The following SEMA3A variants were observed in gnomAD, a reference collection of about 807,000 sequenced individuals.
SEMA3A encodes semaphorin-3A.
Under a neutral mutation model 97.9 loss-of-function variants are expected in SEMA3A, and 29 were observed. That is an observed-to-expected ratio of 0.30 (90% CI 0.22 to 0.40). The LOEUF (loss-of-function observed/expected upper bound fraction) is 0.40. Ranked by LOEUF, SEMA3A falls within the 10% of genes least tolerant of loss-of-function variation. SEMA3A has a pLI of 1.00. For missense variants in SEMA3A, 763 were observed against 951.3 expected (o/e 0.80, Z 2.60); for synonymous variants, 321 against 323.7 (o/e 0.99, Z 0.09).
Position 84,026,734 on chromosome 7 carries a change from A to G in SEMA3A, c.668-12383T>C, listed in dbSNP as rs1235728014. Among the ~76,000 whole-genome samples, 3 of 152,188 alleles carry G rather than the reference A, an allele frequency of 2.0e-5. No homozygotes were observed. In the East Asian group the frequency reaches 5.8e-4, roughly 29 times the overall value. On this transcript the variant is annotated intron_variant, in intron 6 of 16. Coordinates refer to ENST00000265362, the MANE Select transcript of SEMA3A (RefSeq NM_006080.3). Reference sequence around the variant, plus strand: ...GGGCCGGAGGCTCTTATCCTTAGCAAACTAACACAGGAACAGAAAACCAAC... The same window carrying G: ...GGGCCGGAGGCTCTTATCCTTAGCAGACTAACACAGGAACAGAAAACCAAC...
rs2372020 is a variant in SEMA3A, at chr7:84,039,258, T to C, written c.667+7066A>G. 6.1e-3 allele frequency among the ~76,000 whole-genome samples: 926 copies of C among 152,166 alleles called. 5 individuals carry two copies. Among genetic ancestry groups the C allele is most frequent in the Middle Eastern group, 0.02 (6 of 294 alleles). On this transcript the variant is annotated intron_variant, in intron 6 of 16. Coordinates refer to ENST00000265362, the MANE Select transcript of SEMA3A (RefSeq NM_006080.3). ...TTAACCCTTTCTTACAAACCATAAA[T>C]GTGTGGCAAATATAAATAACTTAAA...
chr7:84,432,288 T>A (rs1805000156), intron 1 of SEMA3A, among the ~76,000 whole-genome samples: 1 of 152,170 alleles, frequency 6.6e-6, no homozygotes, highest in Non-Finnish European at 1.5e-5. Context: ...TTTCCAGTAG[T>A]GCCACCAATG....
rs148298068 is a variant in SEMA3A at position 84,265,055 on chromosome 7, C to T, written c.-83+42152G>A. On this transcript the variant is annotated intron_variant, in intron 3 of 3. Transcript: ENST00000424555. ...CTTCCCAACCCAGAGTACCCCACTT[C>T]GAAGATGAAGGCTTCACTTGAGTTT... Among the ~76,000 whole-genome samples the T allele has an allele frequency of 4.5e-4, 68 of 152,152 alleles. 1 individual carries two copies. Among genetic ancestry groups the T allele is most frequent in the South Asian group, 8.3e-4 (4 of 4,822 alleles).
At chr7:84,340,847 C>T (rs1802150122) in intron 2 of SEMA3A, among the ~76,000 whole-genome samples, 1 of 150,644 alleles carries the variant, frequency 6.6e-6, no homozygotes, top group Admixed American at 6.6e-5. Flanking sequence ...ACATATATAC[C>T]TTTTAATATA....
At chr7:84,019,692 A>G (rs2116435852) in intron 6 of SEMA3A, among the ~76,000 whole-genome samples, 1 of 151,938 alleles carries the variant, frequency 6.6e-6, no homozygotes. Flanking sequence ...TGCATCCTTC[A>G]CTACTATTGT....
At chr7:84,299,368 C>CTA (rs375424685) in intron 3 of SEMA3A, among the ~76,000 whole-genome samples, 462 of 133,126 alleles carry the variant, frequency 3.5e-3, no homozygotes, top group Admixed American at 5.2e-3. Context: ...CTCTCTCCCT[C>CTA]TATATATATA....
At chr7:84,099,101 C>T (rs1413962194) in intron 4 of SEMA3A, among the ~76,000 whole-genome samples, 1 of 45,772 alleles carries the variant, frequency 2.2e-5, no homozygotes, top group Non-Finnish European at 6.6e-5. Context: ...GACGGAGTCT[C>T]GCTCTGTCGC....
intron 3 of SEMA3A, among the ~76,000 whole-genome samples, chr7:84,221,081 C>G (rs181836588): frequency 1.3e-5 from 2 of 152,268 alleles, no homozygotes; most frequent in East Asian, 1.9e-4. Context: ...GCTACATCTT[C>G]TGAACAACTT....
chr7:84,312,921 T>TATATATATATACACACAC (rs1458168481), intron 2 of SEMA3A, among the ~76,000 whole-genome samples: 1 of 32,876 alleles, frequency 3.0e-5, no homozygotes, highest in Non-Finnish European at 6.2e-5. Flanking sequence ...TATATATATA[T>TATATATATATACACACAC]ACACACACAC....
chr7:84,288,266 T>G (rs1390856891), intron 3 of SEMA3A, among the ~76,000 whole-genome samples: 1 of 152,110 alleles, frequency 6.6e-6, no homozygotes, highest in Admixed American at 6.6e-5. Flanking sequence ...TTAAACAAAT[T>G]TTAAGTAAAT....
At chr7:84,140,160 C>G (rs1796255880) in intron 1 of SEMA3A, among the ~76,000 whole-genome samples, 1 of 152,070 alleles carries the variant, frequency 6.6e-6, no homozygotes, top group Admixed American at 6.6e-5. Context: ...GGAACACTTA[C>G]ACAAAAATAA....
At chr7:84,184,592 A>AG (rs1217581228) in intron 1 of SEMA3A, among the ~76,000 whole-genome samples, 4 of 152,134 alleles carry the variant, frequency 2.6e-5, no homozygotes, top group African/African-American at 9.6e-5. Context: ...CCAGGTAAAA[A>AG]GGTGGGGGTA....
At chr7:84,245,462 A>G (rs944676243) in intron 3 of SEMA3A, among the ~76,000 whole-genome samples, 10 of 151,814 alleles carry the variant, frequency 6.6e-5, no homozygotes, top group African/African-American at 2.4e-4. Flanking sequence ...GTTCTTCTCT[A>G]AACTGGTTAT....
chr7:84,218,863 C>G (rs1798811084), intron 3 of SEMA3A, among the ~76,000 whole-genome samples: 1 of 152,064 alleles, frequency 6.6e-6, no homozygotes, highest in East Asian at 1.9e-4. Flanking sequence ...GCCTTCCTAT[C>G]TTCAGTTATG....
At chr7:84,449,562 G>T (rs1254984107) in intron 1 of SEMA3A, among the ~76,000 whole-genome samples, 1 of 152,076 alleles carries the variant, frequency 6.6e-6, no homozygotes, top group East Asian at 1.9e-4. Context: ...TAAAGTAATT[G>T]AATTTATTAT....
At chr7:84,091,197 AAAGAAAGAAAG>A (rs1794578589) in intron 4 of SEMA3A, among the ~76,000 whole-genome samples, 1 of 78,800 alleles carries the variant, frequency 1.3e-5, no homozygotes. Context: ...AGAAAGAAAG[AAAGAAAGAAAG>A]AAAGAAAAGA....
chr7:84,021,747 TAATACATA>T (rs1465828456), intron 6 of SEMA3A, among the ~76,000 whole-genome samples: 2 of 152,220 alleles, frequency 1.3e-5, no homozygotes, highest in Non-Finnish European at 2.9e-5. Context: ...ATGAATGAAT[TAATACATA>T]AATGAATCTC....
intron 2 of SEMA3A, among the ~76,000 whole-genome samples, chr7:84,333,140 C>G (rs377659474): frequency 2.0e-5 from 3 of 152,074 alleles, no homozygotes; most frequent in African/African-American, 7.2e-5. Context: ...TAACTTTGTA[C>G]TTTTTGTGTC....
In SEMA3A at chr7:84,396,150, G is replaced by T. The variant is rs545536297; in HGVS notation, c.-245-24250C>A. Among the ~76,000 whole-genome samples the T allele has an allele frequency of 1.4e-4, 21 of 152,034 alleles. No individual in the cohort carries two copies. The South Asian group carries it at 3.7e-3, about 27-fold the overall frequency. On this transcript the variant is annotated intron_variant, in intron 1 of 3. Transcript: ENST00000424555. Reference sequence around the variant, plus strand: ...TTAAAAAGAAAGACTAGCAGGAATAGGTGAAAGGCAATAATTGAAAACTAA... The same window carrying T: ...TTAAAAAGAAAGACTAGCAGGAATATGTGAAAGGCAATAATTGAAAACTAA...
Sources: allele counts gnomAD v4.1 joint callset (sites outside exome capture counted in the v4.1 genomes callset), GRCh38; gene constraint gnomAD v4.1.1; transcripts MANE v1.5; gene names NCBI Gene and HGNC (gene_info 2026-07-23, HGNC 2026-07-21).